CPNE4: variants seen among roughly 807,000 people sequenced by gnomAD.
The protein encoded by CPNE4 is copine 4.
Under a neutral mutation model 67.9 loss-of-function variants are expected in CPNE4, and 25 were observed. The observed-to-expected ratio is 0.37, with a 90% CI of 0.27 to 0.51. The LOEUF is 0.51. Among genes scored for constraint, CPNE4 ranks in the 20% least tolerant of loss-of-function variants. CPNE4 has a pLI of 0.93. For synonymous variants in CPNE4, 242 were observed against 244.9 expected (o/e 0.99, Z 0.11); for missense variants, 464 against 690.8 (o/e 0.67, Z 3.68).
At chr3:131,774,033 T>C (rs777664153) in intron 2 of CPNE4, among the ~76,000 whole-genome samples, 1 of 152,138 alleles carries the variant, frequency 6.6e-6, no homozygotes, top group South Asian at 2.1e-4. Context: ...TTTTAAAACA[T>C]ATATTTTGAG....
At position 131,801,336 on chromosome 3, in the gene CPNE4, C is replaced by CATAT. The variant is rs148213976; in HGVS notation, c.181-77715_181-77712dup. Among the ~76,000 whole-genome samples the CATAT allele has an allele frequency of 4.1e-3, 498 of 122,840 alleles. 2 individuals carry two copies. Among genetic ancestry groups the CATAT allele is most frequent in the South Asian group, 6.7e-3 (26 of 3,872 alleles). The allele number at this position is 122,840 out of a possible 152,430, so 80.6% of individuals were successfully genotyped here. On this transcript the variant is annotated intron_variant, in intron 2 of 15. Transcript: ENST00000429747. The stretch of plus-strand genomic sequence containing the variant: ...TTCTGTCTAGTCACTGGAAACCATA[C>CATAT]ATATATATATATATGTACCATATAT...
chr3:131,908,968 T>C (rs1464046448), intron 1 of CPNE4, among the ~76,000 whole-genome samples: 2 of 152,180 alleles, frequency 1.3e-5, no homozygotes, highest in Non-Finnish European at 2.9e-5. Context: ...CTATTGTTAT[T>C]GTGCTCTGAC....
intron 7 of CPNE4, among the ~76,000 whole-genome samples, chr3:131,637,807 AG>A (rs2079432869): frequency 6.6e-6 from 1 of 152,168 alleles, no homozygotes; most frequent in Admixed American, 6.5e-5. Flanking sequence ...TAACCTATAA[AG>A]GAAAGCCTAT....
chr3:131,673,293 C>T (rs2080471738), intron 6 of CPNE4, among the ~76,000 whole-genome samples: 1 of 151,958 alleles, frequency 6.6e-6, no homozygotes, highest in Non-Finnish European at 1.5e-5. Context: ...GTTCTTTTTG[C>T]TTAGGATAGC....
rs957918 is a variant in CPNE4, at chr3:131,910,882, C to T, written c.-1-5438G>A. Among the ~76,000 whole-genome samples the T allele has an allele frequency of 9.7e-3, 1,480 of 152,216 alleles. 22 individuals are homozygous for T. The highest frequency in any genetic ancestry group is 0.034 in the African/African-American group (1,416 of 41,548). ...CTTTGACCACAAAACCGTAAATGTTCTTTTCATTAAAATCTCTTGAATCAA... is the reference window on the plus strand; with the variant it reads ...CTTTGACCACAAAACCGTAAATGTTTTTTTCATTAAAATCTCTTGAATCAA... On this transcript the variant is annotated intron_variant, in intron 1 of 15. Coordinates refer to ENST00000429747, the MANE Select transcript of CPNE4 (RefSeq NM_130808.3).
upstream of CPNE4, chr3:132,037,701 C>A: frequency 8.9e-7 from 1 of 1,122,498 alleles, no homozygotes; most frequent in Non-Finnish European, 1.3e-6. Context: ...TAGATTCACT[C>A]GCCGGGTTTC....
At chr3:131,861,657 T>C (rs993293745) in intron 2 of CPNE4, among the ~76,000 whole-genome samples, 2 of 152,172 alleles carry the variant, frequency 1.3e-5, no homozygotes, top group African/African-American at 4.8e-5. Context: ...GGTCTCGAAC[T>C]CCTGACCTCA....
intron 11 of CPNE4, among the ~76,000 whole-genome samples, chr3:131,560,421 T>C (rs1046568656): frequency 3.9e-5 from 6 of 151,930 alleles, no homozygotes; most frequent in African/African-American, 1.4e-4. Context: ...AACAAATCCA[T>C]CCACATTCTA....
At chr3:131,915,600 T>C (rs1254936601) in intron 1 of CPNE4, among the ~76,000 whole-genome samples, 1 of 152,188 alleles carries the variant, frequency 6.6e-6, no homozygotes, top group Non-Finnish European at 1.5e-5. Context: ...AATATGACAA[T>C]TGTCATATGC....
intron 2 of CPNE4, among the ~76,000 whole-genome samples, chr3:131,858,927 A>G (rs1313047995): frequency 6.6e-6 from 1 of 152,184 alleles, no homozygotes; most frequent in East Asian, 1.9e-4. Context: ...TTAAAAGAGA[A>G]AGAGTAATGT....
In CPNE4 at chr3:131,803,474, G is replaced by T. The variant is rs370890788; in HGVS notation, c.181-79849C>A. Reference sequence around the variant, plus strand: ...TACATTGAAGACAAACTGTGTATGTGATTTGTTCTCCTCAAATGAGATATT... The same window carrying T: ...TACATTGAAGACAAACTGTGTATGTTATTTGTTCTCCTCAAATGAGATATT... On this transcript the variant is annotated intron_variant, in intron 2 of 15. Coordinates refer to ENST00000429747, the MANE Select transcript of CPNE4 (RefSeq NM_130808.3). 7.2e-5 allele frequency among the ~76,000 whole-genome samples: 11 copies of T among 152,298 alleles called. No homozygotes were observed. In the East Asian group the frequency reaches 1.9e-3, roughly 27 times the overall value.
At chr3:131,926,311 A>G (rs1217809860) in intron 1 of CPNE4, among the ~76,000 whole-genome samples, 1 of 152,218 alleles carries the variant, frequency 6.6e-6, no homozygotes, top group South Asian at 2.1e-4. Flanking sequence ...AGCATTGTAA[A>G]AAAACAAAGA....
chr3:131,556,023 T>TTTTAGA (rs1172766921), intron 11 of CPNE4, among the ~76,000 whole-genome samples: 1 of 152,032 alleles, frequency 6.6e-6, no homozygotes, highest in Non-Finnish European at 1.5e-5. Flanking sequence ...CCCAAGATCA[T>TTTTAGA]GCCACTAATT....
At chr3:131,655,446 G>T (rs9822908) in intron 7 of CPNE4, among the ~76,000 whole-genome samples, 40,359 of 152,070 alleles carry the variant, frequency 0.27, 5,478 homozygotes, top group East Asian at 0.38. Flanking sequence ...GTGATTGCAT[G>T]GTAAGAGAGC....
chr3:131,949,203 T>TA (rs2071647553), intron 1 of CPNE4, among the ~76,000 whole-genome samples: 2 of 152,126 alleles, frequency 1.3e-5, no homozygotes, highest in African/African-American at 2.4e-5. Context: ...CAAAAGAACA[T>TA]AAAGAAGCCC....
chr3:131,698,990 T>A (rs1207839294), intron 4 of CPNE4, among the ~76,000 whole-genome samples: 2 of 152,120 alleles, frequency 1.3e-5, no homozygotes, highest in Non-Finnish European at 2.9e-5. Context: ...GTTCGTTTTC[T>A]GGCAATTTGC....
At chr3:131,855,202 TG>T (rs1281701293) in intron 2 of CPNE4, among the ~76,000 whole-genome samples, 3 of 151,978 alleles carry the variant, frequency 2.0e-5, no homozygotes, top group Non-Finnish European at 4.4e-5. Flanking sequence ...CTCTCTCCTT[TG>T]GGCCCCATGG....
At chr3:131,920,587 G>A (rs1380340587) in intron 1 of CPNE4, among the ~76,000 whole-genome samples, 1 of 151,258 alleles carries the variant, frequency 6.6e-6, no homozygotes, top group Non-Finnish European at 1.5e-5. Flanking sequence ...AAAGTCAGTG[G>A]TTATTATTTT....
rs141219633 is a variant in CPNE4, at chr3:131,650,744, CAAAAAAAAAAAAAA to C, written c.681+18917_681+18930del. 5.7e-4 allele frequency among the ~76,000 whole-genome samples: 35 copies of C among 61,202 alleles called. 1 individual carries two copies. Among genetic ancestry groups the C allele is most frequent in the African/African-American group, 2.9e-3 (34 of 11,532 alleles). 40.2% of individuals were successfully genotyped at this position (61,202 alleles called of 152,430 possible). On this transcript the variant is annotated intron_variant, in intron 7 of 15. Coordinates refer to ENST00000429747, the MANE Select transcript of CPNE4 (RefSeq NM_130808.3). Reference sequence around the variant, plus strand: ...TGGGGGACAGAGCAAGACTCCGTCTCAAAAAAAAAAAAAAAAAAAAAAAAAAAAATTCTATTATT... The same window carrying C: ...TGGGGGACAGAGCAAGACTCCGTCTCAAAAAAAAAAAAAAATTCTATTATT...
Sources: gnomAD v4.1 joint callset for allele counts (sites outside exome capture counted in the v4.1 genomes callset) on GRCh38, gnomAD v4.1.1 for gene constraint, MANE v1.5 for transcripts, NCBI Gene and HGNC (gene_info 2026-07-23, HGNC 2026-07-21) for gene names.